Variants in TEX2 observed in about 807,000 individuals in gnomAD.
TEX2 encodes the protein testis expressed 2, also known as testis-expressed protein 2.
Under a neutral mutation model 106.9 loss-of-function variants are expected in TEX2, and 53 were observed. The ratio of observed to expected loss-of-function variants is 0.50; its 90% confidence interval spans 0.40 to 0.62. TEX2 has a LOEUF of 0.62. Ranked by LOEUF, TEX2 falls within the 20% of genes least tolerant of loss-of-function variation. The probability of loss-of-function intolerance (pLI) is 0.00; values close to 1 mark genes in which losing one functional copy is unlikely to be tolerated. For missense variants in TEX2, 1,207 were observed against 1,379.0 expected, an observed-to-expected ratio of 0.88 and a Z score of 1.98; for synonymous variants, 523 against 534.8, an observed-to-expected ratio of 0.98 and a Z score of 0.30.
At chr17:64,155,018 T>A in intron 8 of TEX2, 51 bp from the exon 9 acceptor site, 1 of 1,499,040 alleles carries the variant, frequency 6.7e-7, no homozygotes, top group Non-Finnish European at 8.9e-7. Flanking sequence ...CAAGCTCTGC[T>A]TAGAAAGAGA....
Position 64,177,420 on chromosome 17 carries a change from C to T in TEX2, c.2476G>A (p.Ala826Thr). The change falls in exon 6 of 12, where the codon GCC becomes ACC. Residue 826 changes from alanine (A) to threonine (T), a missense_variant. By Grantham distance (58) the Ala-to-Thr change is moderately conservative. Transcript: ENST00000584379. Reference protein sequence around the residue: ...EEEEQEAWVNALLGRIFWDFL... With the variant: ...EEEEQEAWVNTLLGRIFWDFL... ...TCCCAAAATATTCTTCCAAGCAAGG[C>T]ATTCACCCAGGCTTCCTGTTCTTCC... 1.2e-6 allele frequency: 2 copies of T among 1,614,198 alleles called. No individual in the cohort carries two copies. Among genetic ancestry groups the T allele is most frequent in the Non-Finnish European group, 1.7e-6 (2 of 1,180,038 alleles).
intron 5 of TEX2, among the ~76,000 whole-genome samples, chr17:64,177,915 C>G (rs1429248174): frequency 1.3e-5 from 2 of 152,200 alleles, no homozygotes; most frequent in African/African-American, 4.8e-5. Flanking sequence ...GACTCAAGTT[C>G]AGCCTGAACC....
intron 4 of TEX2, 84 bp from the exon 5 acceptor site, chr17:64,188,499 A>G (rs2032170232): frequency 1.3e-6 from 2 of 1,579,244 alleles, no homozygotes; most frequent in East Asian, 2.2e-5. Flanking sequence ...AGCAGCTACA[A>G]TGCTATCAAA....
chr17:64,255,408 T>C (rs1363722218), intron 1 of TEX2, among the ~76,000 whole-genome samples: 6 of 152,224 alleles, frequency 3.9e-5, no homozygotes, highest in Non-Finnish European at 5.9e-5. Flanking sequence ...AATGATTTTA[T>C]AGTCCAAAGA....
chr17:64,184,361 C>A (rs917277240), intron 5 of TEX2, among the ~76,000 whole-genome samples: 1 of 152,170 alleles, frequency 6.6e-6, no homozygotes, highest in African/African-American at 2.4e-5. Context: ...CTTGGCCTCC[C>A]AAAGTGCTCA....
intron 1 of TEX2, among the ~76,000 whole-genome samples, chr17:64,230,318 G>A (rs188677542): frequency 6.6e-6 from 1 of 152,284 alleles, no homozygotes; most frequent in Admixed American, 6.5e-5. Flanking sequence ...ATTTTAAGTG[G>A]AGGACAAAGC....
chr17:64,238,116 A>G (rs1397393974), intron 1 of TEX2, among the ~76,000 whole-genome samples: 1 of 152,146 alleles, frequency 6.6e-6, no homozygotes, highest in Non-Finnish European at 1.5e-5. Context: ...CCTGGCCAAC[A>G]TGGTGAAACC....
At position 64,212,930 on chromosome 17, in the gene TEX2, T is replaced by C; in HGVS notation, c.1288A>G (p.Thr430Ala). The change falls in exon 2 of 12, where the codon ACG becomes GCG. Residue 430 changes from threonine (T) to alanine (A), a missense_variant. Physicochemically the swap from Thr to Ala is moderately conservative, Grantham distance 58. Coordinates refer to ENST00000584379, the MANE Select transcript of TEX2 (RefSeq NM_001288732.2). ...TTATCAACTTTACTCTCCCCCTCCG[T>C]TTCCAAATCGAAGTCCTCAGTGTAC... ...ELYTEDFDLETEGESKVDKLS... is the reference protein window; with the variant it reads ...ELYTEDFDLEAEGESKVDKLS... 6.2e-7 allele frequency: 1 copy of C among 1,614,210 alleles called. No homozygotes were observed. The highest frequency in any genetic ancestry group is 1.3e-5 in the African/African-American group (1 of 75,052).
chr17:64,189,503 G>A (rs115065901), intron 4 of TEX2, among the ~76,000 whole-genome samples: 3 of 152,134 alleles, frequency 2.0e-5, no homozygotes, highest in Admixed American at 6.5e-5. Context: ...AGCATAGTAC[G>A]GGGGGCAGAG....
rs2033080877 is a variant in TEX2, at chr17:64,213,522, T to C, written c.696A>G (p.Thr232=). The C allele has an allele frequency of 6.2e-7, 1 of 1,614,022 alleles. No homozygotes were observed. Among genetic ancestry groups the C allele is most frequent in the Non-Finnish European group, 8.5e-7 (1 of 1,180,002 alleles). The change falls in exon 2 of 12, where the codon ACA becomes ACG. Residue 232 remains threonine, a synonymous_variant. Coordinates refer to ENST00000584379, the MANE Select transcript of TEX2 (RefSeq NM_001288732.2). This position sits in a 1 kb window ranked among gnomAD's most constrained non-coding sequence, Gnocchi z 4.4. The part of the protein sequence containing the change: ...STDTSRQESD[T]VSYKPPDSKL... ...TGGAATCAGGTGGCTTATAGGACAC[T>C]GTATCCGACTCCTGCCGGGAAGTGT... is the stretch of plus-strand genomic sequence containing the variant.
chr17:64,199,573 T>G (rs2032590991), intron 2 of TEX2, among the ~76,000 whole-genome samples: 1 of 152,214 alleles, frequency 6.6e-6, no homozygotes, highest in Non-Finnish European at 1.5e-5. Flanking sequence ...AGAGCCACAT[T>G]AAGAAAGAAA....
intron 8 of TEX2, among the ~76,000 whole-genome samples, chr17:64,158,369 G>A (rs775831776): frequency 6.6e-6 from 1 of 152,246 alleles, no homozygotes; most frequent in Non-Finnish European, 1.5e-5. Flanking sequence ...GGCCCTGCCA[G>A]GCAGGACACC....
Position 64,185,593 on chromosome 17 carries a change from C to T in TEX2, c.2424+2575G>A, listed in dbSNP as rs915475567. 2.6e-5 allele frequency among the ~76,000 whole-genome samples: 4 copies of T among 151,698 alleles called. No homozygotes were observed. Among genetic ancestry groups the T allele is most frequent in the Admixed American group, 6.6e-5 (1 of 15,216 alleles). On this transcript the variant is annotated intron_variant, in intron 5 of 11. Coordinates refer to ENST00000584379, the MANE Select transcript of TEX2 (RefSeq NM_001288732.2). This position sits in a 1 kb window ranked among gnomAD's most constrained non-coding sequence, Gnocchi z 4.0. ...CAGCACCACTGCACTCCAGTCTGGG[C>T]GACAGAGTGAGACTCCAACTAAAAA...
chr17:64,177,565 T>TAGAAACAGG, intron 5 of TEX2, 94 bp from the exon 6 acceptor site: 1 of 1,366,912 alleles, frequency 7.3e-7, no homozygotes, highest in Non-Finnish European at 1.0e-6. Flanking sequence ...TCCCTCCTTA[T>TAGAAACAGG]AGAAACAGGA....
intron 1 of TEX2, among the ~76,000 whole-genome samples, chr17:64,249,075 C>G (rs1352997154): frequency 6.6e-6 from 1 of 151,918 alleles, no homozygotes; most frequent in Non-Finnish European, 1.5e-5. Context: ...AGGGCTGACC[C>G]CAGGTACCTG....
chr17:64,262,120 T>A (rs1664965024), intron 1 of TEX2, among the ~76,000 whole-genome samples: 5 of 152,268 alleles, frequency 3.3e-5, no homozygotes, highest in Admixed American at 3.3e-4. Flanking sequence ...TTCCTTTTAA[T>A]GCATGTGCAG....
chr17:64,160,996 A>G lies in TEX2; in HGVS notation c.2672-63T>C, dbSNP rs186413606. 5.2e-6 allele frequency: 8 copies of G among 1,548,228 alleles called. No homozygotes were observed. In the East Asian group the frequency reaches 1.1e-4, roughly 22 times the overall value. On this transcript the variant is annotated intron_variant, in intron 7 of 11. Coordinates refer to ENST00000584379, the MANE Select transcript of TEX2 (RefSeq NM_001288732.2). ...TCAAAAAAACACATGACTATAAATG[A>G]CTTACATTTAAAAATATCTAAATAG...
chr17:64,175,838 C>T (rs1021230373), intron 6 of TEX2, among the ~76,000 whole-genome samples: 1 of 152,210 alleles, frequency 6.6e-6, no homozygotes, highest in Non-Finnish European at 1.5e-5. Flanking sequence ...AGAACTGCAG[C>T]CCTGCTGCTC....
At chr17:64,259,960 T>C (rs981561184) in intron 1 of TEX2, among the ~76,000 whole-genome samples, 3 of 152,204 alleles carry the variant, frequency 2.0e-5, no homozygotes, top group Admixed American at 1.3e-4. Context: ...CTTAGCATTG[T>C]TGAAATGGGA....
Sources: gnomAD v4.1 joint callset for allele counts (sites outside exome capture counted in the v4.1 genomes callset) on GRCh38, gnomAD v4.1.1 for gene constraint, Gnocchi (gnomAD v3.1) non-coding constraint, MANE v1.5 for transcripts, NCBI Gene and HGNC (gene_info 2026-07-23, HGNC 2026-07-21) for gene names.